VPS13B: variants seen among roughly 807,000 people sequenced by gnomAD.
VPS13B encodes the protein intermembrane lipid transfer protein VPS13B.
In VPS13B, 285 loss-of-function variants were observed where a neutral mutation model predicts 426.4. The ratio of observed to expected loss-of-function variants is 0.67; its 90% CI spans 0.61 to 0.74. VPS13B has a LOEUF of 0.74. Among genes scored for constraint, VPS13B ranks in the 30% least tolerant of loss-of-function variants. The pLI, the probability that VPS13B is intolerant of heterozygous loss-of-function variation, is 0.00. For synonymous variants in VPS13B, 1,676 were observed against 1,676.4 expected, an observed-to-expected ratio of 1.00 and a Z score of 0.01; for missense variants, 4,537 against 4,782.6, an observed-to-expected ratio of 0.95 and a Z score of 1.51.
intron 33 of VPS13B, among the ~76,000 whole-genome samples, chr8:99,635,200 T>C (rs1008239586): frequency 1.3e-5 from 2 of 152,024 alleles, no homozygotes; most frequent in African/African-American, 4.8e-5. Flanking sequence ...TTTTACTGTA[T>C]TTGTTAGATA....
chr8:99,412,813 C>A (rs973559690), intron 21 of VPS13B, among the ~76,000 whole-genome samples: 6 of 152,248 alleles, frequency 3.9e-5, no homozygotes, highest in Non-Finnish European at 8.8e-5. Context: ...TCCTTTGCTG[C>A]ACCTATTGAG....
At chr8:99,320,307 G>A (rs1809907710) in intron 19 of VPS13B, among the ~76,000 whole-genome samples, 1 of 152,168 alleles carries the variant, frequency 6.6e-6, no homozygotes, top group Non-Finnish European at 1.5e-5. Context: ...AGGATGGATA[G>A]TGGGGGCTAT....
At chr8:99,355,436 C>T (rs1332420095) in intron 19 of VPS13B, among the ~76,000 whole-genome samples, 1 of 152,090 alleles carries the variant, frequency 6.6e-6, no homozygotes, top group Non-Finnish European at 1.5e-5. Context: ...ACTGAAAATA[C>T]ACAAATTAGC....
At chr8:99,727,291 T>G (rs1254169531) in intron 39 of VPS13B, among the ~76,000 whole-genome samples, 1 of 152,236 alleles carries the variant, frequency 6.6e-6, no homozygotes, top group Non-Finnish European at 1.5e-5. Flanking sequence ...ATCCTTTTAC[T>G]TCAAATGTTA....
chr8:99,392,237 C>T (rs187729773), intron 21 of VPS13B, among the ~76,000 whole-genome samples: 18 of 152,240 alleles, frequency 1.2e-4, no homozygotes, highest in African/African-American at 3.9e-4. Flanking sequence ...TCCCCTTTCT[C>T]TCATACTCTC....
At chr8:99,723,379 G>C (rs1413255875) in intron 39 of VPS13B, among the ~76,000 whole-genome samples, 2 of 152,088 alleles carry the variant, frequency 1.3e-5, no homozygotes, top group Non-Finnish European at 2.9e-5. Context: ...AACTTTCTGA[G>C]TGTTAACATG....
chr8:99,439,262 G>A (rs1055109826), intron 22 of VPS13B, among the ~76,000 whole-genome samples: 1 of 152,094 alleles, frequency 6.6e-6, no homozygotes, highest in Non-Finnish European at 1.5e-5. Context: ...CATAGTACAT[G>A]CACCACTGCA....
In VPS13B at chr8:99,629,606, C is replaced by T. The variant is rs533779328; in HGVS notation, c.5221-12205C>T. The stretch of plus-strand genomic sequence containing the variant: ...AGAGCATTCTAGGCTGAAAGAACAG[C>T]ACAAGTGAGGATTTGGACATAGGAA... On this transcript the variant is annotated intron_variant, in intron 33 of 61. Transcript: ENST00000357162. 7.2e-5 allele frequency among the ~76,000 whole-genome samples: 11 copies of T among 152,128 alleles called. 1 individual carries two copies. The highest frequency in any genetic ancestry group is 2.4e-4 in the African/African-American group (10 of 41,514).
At chr8:99,161,566 A>G (rs1034347186) in intron 15 of VPS13B, among the ~76,000 whole-genome samples, 1 of 152,170 alleles carries the variant, frequency 6.6e-6, no homozygotes, top group African/African-American at 2.4e-5. Flanking sequence ...TTTTGGAAAA[A>G]GGGCCTTTGC....
At chr8:99,224,967 C>T (rs1197710603) in intron 17 of VPS13B, among the ~76,000 whole-genome samples, 2 of 152,154 alleles carry the variant, frequency 1.3e-5, no homozygotes, top group Admixed American at 6.5e-5. Context: ...CATGTTGCCT[C>T]TCCAGTTAGC....
At chr8:99,433,329 A>T (rs1817212545) in intron 22 of VPS13B, among the ~76,000 whole-genome samples, 1 of 152,184 alleles carries the variant, frequency 6.6e-6, no homozygotes, top group Non-Finnish European at 1.5e-5. Context: ...CAGCACACCC[A>T]TTTTGGTTAC....
At chr8:99,309,159 T>C (rs1022500176) in intron 19 of VPS13B, among the ~76,000 whole-genome samples, 2 of 152,236 alleles carry the variant, frequency 1.3e-5, no homozygotes, top group Non-Finnish European at 2.9e-5. Flanking sequence ...GTAGTTTCTT[T>C]TGCTGTGCAG....
In VPS13B at chr8:99,242,812, G is replaced by A. The variant is rs530831939; in HGVS notation, c.2516-31386G>A. The stretch of plus-strand genomic sequence containing the variant: ...TATTTTTATTGATAGCGTCAAACTT[G>A]TAAATAGTTTGTAATGCCTTTACAA... On this transcript the variant is annotated intron_variant, in intron 17 of 61. Coordinates refer to ENST00000357162, the MANE Select transcript of VPS13B (RefSeq NM_152564.5). 5.3e-5 allele frequency among the ~76,000 whole-genome samples: 8 copies of A among 152,244 alleles called. No homozygotes were observed. In the South Asian group the frequency reaches 1.7e-3, roughly 32 times the overall value.
At chr8:99,693,414 C>A (rs1249475369) in intron 35 of VPS13B, among the ~76,000 whole-genome samples, 1 of 145,660 alleles carries the variant, frequency 6.9e-6, no homozygotes. Flanking sequence ...TAAATGTAAT[C>A]CAGCATATAA....
chr8:99,736,029 C>T lies in VPS13B; in HGVS notation c.7050+14982C>T, dbSNP rs752549977. 5.0e-4 allele frequency among the ~76,000 whole-genome samples: 76 copies of T among 152,142 alleles called. 1 individual carries two copies. Among genetic ancestry groups the T allele is most frequent in the Non-Finnish European group, 1.9e-4 (13 of 68,042 alleles). On this transcript the variant is annotated intron_variant, in intron 39 of 61. Coordinates refer to ENST00000357162, the MANE Select transcript of VPS13B (RefSeq NM_152564.5). ...CTCAATACACTGTTAAGTTCCATAG[C>T]AGTAGAGTAATGGTAAAAACATTTG...
chr8:99,653,572 A>G (rs2129675379), intron 34 of VPS13B, among the ~76,000 whole-genome samples: 1 of 152,202 alleles, frequency 6.6e-6, no homozygotes, highest in Admixed American at 6.5e-5. Flanking sequence ...AAATTTTAAT[A>G]AGAAAGAGAT....
chr8:99,531,009 A>G (rs1417276011), intron 30 of VPS13B, among the ~76,000 whole-genome samples: 1 of 152,228 alleles, frequency 6.6e-6, no homozygotes, highest in Non-Finnish European at 1.5e-5. Context: ...TTGAAGTTTC[A>G]AATTTATATT....
At chr8:99,394,447 G>A (rs1468899827) in intron 21 of VPS13B, among the ~76,000 whole-genome samples, 1 of 152,092 alleles carries the variant, frequency 6.6e-6, no homozygotes, top group South Asian at 2.1e-4. Flanking sequence ...TTGATGGCTC[G>A]GAATGTGTTA....
chr8:99,826,582 C>T (rs1255391159), intron 51 of VPS13B, among the ~76,000 whole-genome samples: 1 of 152,082 alleles, frequency 6.6e-6, no homozygotes, highest in Non-Finnish European at 1.5e-5. Context: ...GCCTGATTGC[C>T]CTGGCCAGAA....
Sources: allele counts gnomAD v4.1 joint callset (sites outside exome capture counted in the v4.1 genomes callset), GRCh38; gene constraint gnomAD v4.1.1; transcripts MANE v1.5; gene names NCBI Gene and HGNC (gene_info 2026-07-23, HGNC 2026-07-21).